MCF2L: variants seen among roughly 807,000 people sequenced by gnomAD.
The protein encoded by MCF2L is guanine nucleotide exchange factor DBS.
In MCF2L, 97 loss-of-function variants were observed where a neutral mutation model predicts 153.4. The observed-to-expected ratio is 0.63, with a 90% CI of 0.54 to 0.75. The LOEUF (loss-of-function observed/expected upper bound fraction) is 0.75, where lower values mean the gene tolerates loss of function less well. Among genes scored for constraint, MCF2L ranks in the 30% least tolerant of loss-of-function variants. The probability of loss-of-function intolerance (pLI) is 0.00; values close to 1 mark genes in which losing one functional copy is unlikely to be tolerated. For synonymous variants in MCF2L, 659 were observed against 632.2 expected (o/e 1.04, Z -0.64); for missense variants, 1,347 against 1,495.2 (o/e 0.90, Z 1.64).
chr13:113,015,083 C>T (rs2084421150), intron 2 of MCF2L, among the ~76,000 whole-genome samples: 1 of 152,188 alleles, frequency 6.6e-6, no homozygotes, highest in Non-Finnish European at 1.5e-5. Flanking sequence ...GGTCAGGGTC[C>T]CCAGGGGGAT....
upstream of MCF2L, chr13:112,965,787 C>A (rs138377123): frequency 7.9e-5 from 12 of 152,208 alleles, no homozygotes; most frequent in African/African-American, 2.7e-4. Context: ...ATCCAGGTGT[C>A]GCTTTACCTT....
chr13:113,018,540 G>T (rs1566743942), intron 2 of MCF2L, among the ~76,000 whole-genome samples: 2 of 152,146 alleles, frequency 1.3e-5, no homozygotes, highest in East Asian at 3.8e-4. Flanking sequence ...GGGTGCATGG[G>T]TGCTCCAAAC....
At chr13:112,998,168 C>G (rs1252614985) in intron 1 of MCF2L, among the ~76,000 whole-genome samples, 1 of 152,248 alleles carries the variant, frequency 6.6e-6, no homozygotes, top group Non-Finnish European at 1.5e-5. Context: ...CATGTAATTT[C>G]TAGGCACATT....
At position 112,983,309 on chromosome 13, in the gene MCF2L, TA is replaced by T. The variant is rs1315022092; in HGVS notation, c.79+13857del. ...AGAAGTTAGTTCTGTGTCGTGAGAATAAAAAAGTTAACATGTCTTTGGCTTC... is the reference window on the plus strand; with the variant it reads ...AGAAGTTAGTTCTGTGTCGTGAGAATAAAAAGTTAACATGTCTTTGGCTTC... On this transcript the variant is annotated intron_variant, in intron 1 of 29. Coordinates refer to ENST00000535094, the MANE Select transcript of MCF2L (RefSeq NM_001112732.3). This position sits in a 1 kb window ranked among gnomAD's most constrained non-coding sequence, Gnocchi z 4.0. 6.6e-6 allele frequency among the ~76,000 whole-genome samples: 1 copy of T among 152,116 alleles called. No homozygotes were observed. The highest frequency in any genetic ancestry group is 1.5e-5 in the Non-Finnish European group (1 of 68,006).
chr13:113,077,359 C>T (rs2033606945), intron 13 of MCF2L, 148 bp downstream of exon 13: 1 of 969,154 alleles, frequency 1.0e-6, no homozygotes. Flanking sequence ...AGTTCAGGGC[C>T]TGAGGGCCGG....
chr13:113,025,808 G>C (rs1162142818), intron 3 of MCF2L, among the ~76,000 whole-genome samples: 1 of 143,842 alleles, frequency 7.0e-6, no homozygotes, highest in Non-Finnish European at 1.5e-5. Context: ...TGGGGTCCCC[G>C]TGACTGTGGG....
At chr13:113,088,756 G>C in intron 25 of MCF2L, 128 bp downstream of exon 25, 1 of 941,972 alleles carries the variant, frequency 1.1e-6, no homozygotes, top group East Asian at 2.6e-5. Flanking sequence ...TGAGGCCCCT[G>C]GTGTTTATGT....
rs2034869715 is a variant in MCF2L, at chr13:113,088,585, G to C, written c.2791G>C (p.Glu931Gln). The change falls in exon 25 of 30, where the codon GAG becomes CAG. Residue 931 changes from glutamate (E) to glutamine (Q), a missense_variant. Glu to Gln is a conservative substitution (Grantham distance 29). Around this residue, in one of 3 missense-constraint regions of MCF2L, gnomAD observed 383 missense variants for 335.4 expected, o/e 1.14. Coordinates refer to ENST00000535094, the MANE Select transcript of MCF2L (RefSeq NM_001112732.3). ...CREASQHRALEQSQSLPLPAP... is the reference protein window; with the variant it reads ...CREASQHRALQQSQSLPLPAP... ...AGAAGCCAGCCAGCACCGGGCGCTG[G>C]AGCAGTCACAGAGCCTGCCCCTGCC... The C allele has an allele frequency of 6.2e-7, 1 of 1,610,352 alleles. No individual in the cohort carries two copies. The highest frequency in any genetic ancestry group is 1.1e-5 in the South Asian group (1 of 91,010).
At chr13:113,023,431 T>A (rs1024096042) in intron 2 of MCF2L, among the ~76,000 whole-genome samples, 1 of 152,136 alleles carries the variant, frequency 6.6e-6, no homozygotes, top group Admixed American at 6.5e-5. Flanking sequence ...CTGGCGTGGC[T>A]GGGCTTGGCC....
intron 2 of MCF2L, among the ~76,000 whole-genome samples, chr13:112,910,972 CA>C (rs1368559417): frequency 5.8e-5 from 7 of 121,476 alleles, no homozygotes; most frequent in African/African-American, 1.9e-4. Flanking sequence ...AAACGCAGGC[CA>C]GGGGGCCCAG....
chr13:112,939,457 G>T (rs1045106321), intron 2 of MCF2L, among the ~76,000 whole-genome samples: 2 of 152,188 alleles, frequency 1.3e-5, no homozygotes, highest in Non-Finnish European at 2.9e-5. Flanking sequence ...GGACAAAGTT[G>T]TCTCTTGGTT....
chr13:112,913,460 T>G (rs1043604476), intron 2 of MCF2L, among the ~76,000 whole-genome samples: 1 of 152,208 alleles, frequency 6.6e-6, no homozygotes, highest in Non-Finnish European at 1.5e-5. Context: ...AAGTTATGTT[T>G]GATGCAGCTG....
chr13:112,898,236 C>T (rs2081086670), intron 1 of MCF2L, among the ~76,000 whole-genome samples: 1 of 152,198 alleles, frequency 6.6e-6, no homozygotes, highest in Non-Finnish European at 1.5e-5. Context: ...GCTTCCCCCG[C>T]ATGTGTGGCC....
At chr13:113,069,584 G>T (rs1442335152) in intron 8 of MCF2L, among the ~76,000 whole-genome samples, 2 of 102,556 alleles carry the variant, frequency 2.0e-5, no homozygotes, top group Admixed American at 9.5e-5. Context: ...TCCCAGCTAC[G>T]TGGAGGCAGA....
intron 1 of MCF2L, among the ~76,000 whole-genome samples, chr13:112,995,520 C>T (rs2083089364): frequency 6.6e-6 from 1 of 152,198 alleles, no homozygotes; most frequent in African/African-American, 2.4e-5. Context: ...ACTTCTGCCC[C>T]AGGAGAGCAG....
Position 112,951,316 on chromosome 13 carries a change from T to C in MCF2L, c.169+48945T>C, listed in dbSNP as rs1223736371. Among the ~76,000 whole-genome samples, 2 of 152,186 alleles carry C rather than the reference T, an allele frequency of 1.3e-5. No individual in the cohort carries two copies. Among genetic ancestry groups the C allele is most frequent in the Non-Finnish European group, 2.9e-5 (2 of 68,030 alleles). On this transcript the variant is annotated intron_variant, in intron 2 of 29. Transcript: ENST00000375608. This position sits in a 1 kb window ranked among gnomAD's most constrained non-coding sequence, Gnocchi z 4.8. ...TAGCAGTTTCTTTTAAAACAAAATA[T>C]GCAACTCTCATATGACCCAGCAATT...
chr13:112,999,990 T>G (rs2083293801), intron 1 of MCF2L, among the ~76,000 whole-genome samples: 1 of 95,674 alleles, frequency 1.0e-5, no homozygotes. Flanking sequence ...AGGTGGCGAG[T>G]GGGCCGGGAA....
rs777487579 is a variant in MCF2L, at chr13:113,076,055, C to T, written c.1398C>T (p.Leu466=). 6.2e-7 allele frequency: 1 copy of T among 1,614,078 alleles called. No individual in the cohort carries two copies. The highest frequency in any genetic ancestry group is 8.5e-7 in the Non-Finnish European group (1 of 1,180,004). ...CQSQDGAEAA[L]QEIEKFLETG... ...CCCAGGACGGCGCGGAGGCTGCCCT[C>T]CAGGAAATCGAGAAGTTTTTGGAGA... The change falls in exon 12 of 30, where the codon CTC becomes CTT. Residue 466 remains leucine, a synonymous_variant. Transcript: ENST00000535094.
chr13:113,007,742 C>T (rs1287448383), intron 1 of MCF2L, among the ~76,000 whole-genome samples: 1 of 152,124 alleles, frequency 6.6e-6, no homozygotes, highest in Non-Finnish European at 1.5e-5. Flanking sequence ...ACCCACTGGC[C>T]ACTTCAGGCG....
Sources: gnomAD v4.1 joint callset for allele counts (sites outside exome capture counted in the v4.1 genomes callset) on GRCh38, gnomAD v4.1.1 for gene constraint, gnomAD v4.1.1 regional missense constraint, Gnocchi (gnomAD v3.1) non-coding constraint, MANE v1.5 for transcripts, NCBI Gene and HGNC (gene_info 2026-07-23, HGNC 2026-07-21) for gene names.